OSBP2: variants seen among roughly 807,000 people sequenced by gnomAD.
OSBP2 encodes the protein oxysterol binding protein 2.
Under a neutral mutation model 96.0 loss-of-function variants are expected in OSBP2, and 66 were observed. The observed-to-expected ratio is 0.69, with a 90% CI of 0.56 to 0.84. The LOEUF (loss-of-function observed/expected upper bound fraction) is 0.84, where lower values mean the gene tolerates loss of function less well. OSBP2 is among the 40% of genes least tolerant of loss of function. The probability of loss-of-function intolerance (pLI) is 0.00; values close to 1 mark genes in which losing one functional copy is unlikely to be tolerated. For synonymous variants in OSBP2, 525 were observed against 520.9 expected, an observed-to-expected ratio of 1.01 and a Z score of -0.11; for missense variants, 1,038 against 1,222.7, an observed-to-expected ratio of 0.85 and a Z score of 2.25.
chr22:30,867,039 TC>T (rs1203167153), intron 2 of OSBP2, among the ~76,000 whole-genome samples: 1 of 152,198 alleles, frequency 6.6e-6, no homozygotes, highest in African/African-American at 2.4e-5. Context: ...GATGCCACCT[TC>T]CCTTGAGGGG....
At chr22:30,867,799 C>G (rs1278217289) in intron 2 of OSBP2, among the ~76,000 whole-genome samples, 1 of 152,220 alleles carries the variant, frequency 6.6e-6, no homozygotes, top group Admixed American at 6.5e-5. Flanking sequence ...TACAGTTAGA[C>G]TCACTGTACC....
intron 1 of OSBP2, among the ~76,000 whole-genome samples, chr22:30,705,269 C>T (rs1298286194): frequency 6.8e-6 from 1 of 147,130 alleles, no homozygotes; most frequent in Non-Finnish European, 1.5e-5. Flanking sequence ...GGACCCCTTC[C>T]TCCCCAGTAT....
chr22:30,826,338 T>C (rs2038405204), intron 2 of OSBP2, among the ~76,000 whole-genome samples: 1 of 152,086 alleles, frequency 6.6e-6, no homozygotes, highest in African/African-American at 2.4e-5. Flanking sequence ...ACCTGCAGAG[T>C]GGCCTCCTGG....
chr22:30,889,300 G>A, intron 6 of OSBP2, 66 bp downstream of exon 6: 2 of 1,526,782 alleles, frequency 1.3e-6, no homozygotes, highest in South Asian at 2.3e-5. Flanking sequence ...GGAGGGACAG[G>A]CCAGCACCAA....
At position 30,779,393 on chromosome 22, in the gene OSBP2, G is replaced by T. The variant is rs1464051054; in HGVS notation, c.853+38024G>T. On this transcript the variant is annotated intron_variant, in intron 2 of 13. Coordinates refer to ENST00000332585, the MANE Select transcript of OSBP2 (RefSeq NM_030758.4). The stretch of plus-strand genomic sequence containing the variant: ...TGGGATTACAGGCATCAGCCACCAT[G>T]CCTGGCCTTAAAATTTTGGTTTTTA... Among the ~76,000 whole-genome samples, 5 of 152,028 alleles carry T rather than the reference G, an allele frequency of 3.3e-5. No homozygotes were observed. In the East Asian group the frequency reaches 9.7e-4, roughly 30 times the overall value.
At chr22:30,776,669 G>A (rs1484888522) in intron 2 of OSBP2, among the ~76,000 whole-genome samples, 1 of 151,862 alleles carries the variant, frequency 6.6e-6, no homozygotes, top group African/African-American at 2.4e-5. Context: ...AGGGATGGCT[G>A]GGTCAAGTGC....
intron 1 of OSBP2, among the ~76,000 whole-genome samples, chr22:30,702,608 G>T (rs771625656): frequency 6.6e-6 from 1 of 151,780 alleles, no homozygotes; most frequent in Non-Finnish European, 1.5e-5. Flanking sequence ...AGTGAGACTC[G>T]GTCTCAAAAA....
At chr22:30,845,527 C>T (rs2038849792) in intron 2 of OSBP2, among the ~76,000 whole-genome samples, 1 of 151,644 alleles carries the variant, frequency 6.6e-6, no homozygotes, top group South Asian at 2.1e-4. Context: ...AGAAATGGCA[C>T]CAATAGACCT....
chr22:30,877,770 G>A (rs895602527), intron 3 of OSBP2, among the ~76,000 whole-genome samples: 9 of 152,206 alleles, frequency 5.9e-5, no homozygotes, highest in Non-Finnish European at 1.3e-4. Context: ...AAGACAGACT[G>A]CACCTGACTC....
Position 30,864,715 on chromosome 22 carries a change from C to T in OSBP2, c.854-5714C>T, listed in dbSNP as rs962968579. 5.9e-5 allele frequency among the ~76,000 whole-genome samples: 9 copies of T among 152,228 alleles called. No individual in the cohort carries two copies. In the South Asian group the frequency reaches 1.5e-3, roughly 25 times the overall value. ...CCCTGCCAGGCCCATCTTAGCAGTA[C>T]GTCCCCCAAAACTCATCCAGCCCAG... On this transcript the variant is annotated intron_variant, in intron 2 of 13. Transcript: ENST00000332585.
intron 2 of OSBP2, among the ~76,000 whole-genome samples, chr22:30,860,745 C>A (rs2039194118): frequency 6.6e-6 from 1 of 152,208 alleles, no homozygotes; most frequent in Non-Finnish European, 1.5e-5. Context: ...CCTGTGGGAA[C>A]CCTGGTAGGG....
chr22:30,772,359 C>T (rs916629137), intron 2 of OSBP2, among the ~76,000 whole-genome samples: 2 of 152,214 alleles, frequency 1.3e-5, no homozygotes, highest in Non-Finnish European at 2.9e-5. Context: ...GCTCTTGAGT[C>T]TTGGTACCGT....
chr22:30,843,446 C>CA (rs1440380968), intron 2 of OSBP2, among the ~76,000 whole-genome samples: 1 of 116,714 alleles, frequency 8.6e-6, no homozygotes, highest in Admixed American at 7.5e-5. Context: ...GGAATCTTTC[C>CA]CCCCTCCCCC....
At chr22:30,713,110 A>C (rs2089383139) in intron 1 of OSBP2, among the ~76,000 whole-genome samples, 1 of 138,712 alleles carries the variant, frequency 7.2e-6, no homozygotes, top group Admixed American at 7.5e-5. Flanking sequence ...ACAGAGTCTC[A>C]CTCTGTCGCC....
At chr22:30,768,869 C>T (rs13053986) in intron 2 of OSBP2, among the ~76,000 whole-genome samples, 37,111 of 152,092 alleles carry the variant, frequency 0.24, 4,654 homozygotes, top group East Asian at 0.3. Flanking sequence ...TTAACCTTCA[C>T]GTGGATCTGT....
intron 2 of OSBP2, among the ~76,000 whole-genome samples, chr22:30,863,161 G>C (rs145062562): frequency 6.6e-6 from 1 of 152,024 alleles, no homozygotes; most frequent in Non-Finnish European, 1.5e-5. Flanking sequence ...TCTCAAACAC[G>C]GTGACGTTGC....
At chr22:30,791,617 G>T (rs918283760) in intron 2 of OSBP2, among the ~76,000 whole-genome samples, 4 of 152,130 alleles carry the variant, frequency 2.6e-5, no homozygotes, top group African/African-American at 9.7e-5. Context: ...GAGAGCCACC[G>T]TGCCCCGCTC....
At chr22:30,819,153 G>A (rs1245160129) in intron 2 of OSBP2, among the ~76,000 whole-genome samples, 1 of 152,192 alleles carries the variant, frequency 6.6e-6, no homozygotes, top group Admixed American at 6.5e-5. Context: ...TGGTCAACAT[G>A]GTGAAACTCT....
upstream of OSBP2, chr22:30,693,968 A>C (rs939856622): frequency 2.0e-6 from 2 of 1,017,508 alleles, no homozygotes; most frequent in South Asian, 3.1e-5. Context: ...CAGTCTCAAA[A>C]AGGAAAAAAA....
Sources: allele counts gnomAD v4.1 joint callset (sites outside exome capture counted in the v4.1 genomes callset), GRCh38; gene constraint gnomAD v4.1.1; transcripts MANE v1.5; gene names NCBI Gene and HGNC (gene_info 2026-07-23, HGNC 2026-07-21).